The following SMAP1 variants were observed in gnomAD, a reference collection of about 807,000 sequenced individuals.
SMAP1 encodes the protein stromal membrane-associated protein 1.
SMAP1 carries 24 observed loss-of-function variants against 58.5 expected under a neutral mutation model. The observed-to-expected ratio is 0.41, with a 90% CI of 0.30 to 0.58. The LOEUF (loss-of-function observed/expected upper bound fraction) is 0.58. SMAP1 is among the 20% of genes least tolerant of loss of function. The probability of loss-of-function intolerance (pLI) is 0.29; values close to 1 mark genes in which losing one functional copy is unlikely to be tolerated. For synonymous variants in SMAP1, 216 were observed against 196.6 expected (o/e 1.10, Z -0.82); for missense variants, 563 against 566.3 (o/e 0.99, Z 0.06).
intron 6 of SMAP1, among the ~76,000 whole-genome samples, chr6:70,809,426 A>C (rs1769292719): frequency 6.6e-6 from 1 of 152,218 alleles, no homozygotes; most frequent in Admixed American, 6.6e-5. Flanking sequence ...TAATATAAGC[A>C]CAAGATAACA....
At chr6:70,791,226 C>A (rs1768337214) in intron 4 of SMAP1, among the ~76,000 whole-genome samples, 1 of 152,034 alleles carries the variant, frequency 6.6e-6, no homozygotes, top group Admixed American at 6.6e-5. Context: ...TTTTAATTAA[C>A]TTTTGCTATT....
intron 6 of SMAP1, among the ~76,000 whole-genome samples, chr6:70,824,906 C>T (rs993567752): frequency 3.9e-5 from 6 of 152,102 alleles, no homozygotes; most frequent in African/African-American, 1.4e-4. Context: ...TTTGGTCTTC[C>T]TTGTTTCTTA....
chr6:70,740,091 CTAT>C (rs1765754465), intron 2 of SMAP1, among the ~76,000 whole-genome samples: 1 of 152,076 alleles, frequency 6.6e-6, no homozygotes, highest in South Asian at 2.1e-4. Flanking sequence ...CATTGTAGAG[CTAT>C]TATTCTTACT....
chr6:70,674,707 T>G (rs1427081647), intron 1 of SMAP1, among the ~76,000 whole-genome samples: 1 of 152,110 alleles, frequency 6.6e-6, no homozygotes, highest in African/African-American at 2.4e-5. Flanking sequence ...GGTGCAGTGG[T>G]TCATGCCTGT....
intron 2 of SMAP1, among the ~76,000 whole-genome samples, chr6:70,745,948 G>A (rs1249395273): frequency 1.3e-5 from 2 of 152,160 alleles, no homozygotes; most frequent in African/African-American, 4.8e-5. Flanking sequence ...GTGAATGGGA[G>A]TTCACTCATG....
chr6:70,696,202 A>C (rs544457893), intron 1 of SMAP1, among the ~76,000 whole-genome samples: 193 of 152,198 alleles, frequency 1.3e-3, no homozygotes, highest in African/African-American at 4.4e-3. Flanking sequence ...TTTCAAAAAA[A>C]ACAGCATTTT....
At chr6:70,724,626 T>C (rs1255471222) in intron 1 of SMAP1, among the ~76,000 whole-genome samples, 1 of 152,252 alleles carries the variant, frequency 6.6e-6, no homozygotes, top group Non-Finnish European at 1.5e-5. Flanking sequence ...CAATAGTATG[T>C]GGAAACTTTC....
chr6:70,808,086 C>T (rs1409420092), intron 6 of SMAP1, among the ~76,000 whole-genome samples: 1 of 151,952 alleles, frequency 6.6e-6, no homozygotes, highest in Non-Finnish European at 1.5e-5. Flanking sequence ...AGGTTTTTAT[C>T]CTCATCGTCT....
intron 3 of SMAP1, among the ~76,000 whole-genome samples, 196 bp downstream of exon 3, chr6:70,755,261 A>G (rs1766438897): frequency 6.6e-6 from 1 of 152,034 alleles, no homozygotes; most frequent in South Asian, 2.1e-4. Flanking sequence ...AGATTACATA[A>G]TTACATAAAA....
At chr6:70,678,403 A>AT in intron 1 of SMAP1, among the ~76,000 whole-genome samples, 1 of 152,320 alleles carries the variant, frequency 6.6e-6, no homozygotes, top group East Asian at 1.9e-4. Context: ...ATTCATAAAA[A>AT]TTATGTTTAG....
chr6:70,801,582 C>T (rs1768855503), intron 6 of SMAP1, among the ~76,000 whole-genome samples: 1 of 152,092 alleles, frequency 6.6e-6, no homozygotes, highest in African/African-American at 2.4e-5. Flanking sequence ...ATCATGAAGT[C>T]CTTGCCCATG....
chr6:70,820,810 A>G (rs1769855156), intron 6 of SMAP1, among the ~76,000 whole-genome samples: 1 of 151,788 alleles, frequency 6.6e-6, no homozygotes, highest in South Asian at 2.1e-4. Context: ...ATTTTTTCCC[A>G]TTTAATTTTG....
At chr6:70,742,401 CA>C (rs1765852815) in intron 2 of SMAP1, among the ~76,000 whole-genome samples, 1 of 152,220 alleles carries the variant, frequency 6.6e-6, no homozygotes, top group Non-Finnish European at 1.5e-5. Flanking sequence ...GGGCAAAATG[CA>C]GCCAGTCTCT....
intron 1 of SMAP1, among the ~76,000 whole-genome samples, chr6:70,727,144 G>C (rs753631538): frequency 4.0e-5 from 6 of 151,876 alleles, no homozygotes; most frequent in Admixed American, 2.6e-4. Flanking sequence ...GTCTCCCTCT[G>C]TCACCCAGGC....
At chr6:70,824,719 TC>T (rs1333103041) in intron 6 of SMAP1, among the ~76,000 whole-genome samples, 3 of 152,164 alleles carry the variant, frequency 2.0e-5, no homozygotes, top group Non-Finnish European at 4.4e-5. Flanking sequence ...AGAAACTAAC[TC>T]TACTGTTTTT....
intron 4 of SMAP1, among the ~76,000 whole-genome samples, chr6:70,783,481 G>T (rs1395816730): frequency 2.0e-5 from 3 of 152,176 alleles, no homozygotes; most frequent in African/African-American, 4.8e-5. Flanking sequence ...AGAGAAGAAG[G>T]CTTCAGACGA....
At chr6:70,793,644 T>TAGAGAGAGAGAGAGAGAG (rs70990334) in intron 5 of SMAP1, among the ~76,000 whole-genome samples, 18 of 140,428 alleles carry the variant, frequency 1.3e-4, no homozygotes, top group African/African-American at 4.5e-4. Flanking sequence ...GGAGAGTAGT[T>TAGAGAGAGAGAGAGAGAG]AGAGAGAGAG....
intron 1 of SMAP1, among the ~76,000 whole-genome samples, chr6:70,672,414 A>G (rs1766306502): frequency 6.6e-6 from 1 of 152,122 alleles, no homozygotes; most frequent in Non-Finnish European, 1.5e-5. Context: ...TCCTGCTTAA[A>G]TGTCTTTTCA....
chr6:70,861,557 C>T lies in SMAP1; in HGVS notation c.*1223C>T. The T allele has an allele frequency of 1.0e-6, 1 of 1,001,078 alleles. No homozygotes were observed. Among genetic ancestry groups the T allele is most frequent in the Non-Finnish European group, 1.5e-6 (1 of 661,090 alleles). 62.0% of individuals were successfully genotyped at this position (1,001,078 alleles called of 1,614,324 possible). ...TCAGATGACAAGAAAGGCTGCTGTA[C>T]TGAAGTAAAACAAACAATACCTGAA... On this transcript the variant is annotated 3_prime_UTR_variant, in exon 11 of 11. Coordinates refer to ENST00000370455, the MANE Select transcript of SMAP1 (RefSeq NM_001044305.3).
Sources: allele counts gnomAD v4.1 joint callset (sites outside exome capture counted in the v4.1 genomes callset), GRCh38; gene constraint gnomAD v4.1.1; transcripts MANE v1.5; gene names NCBI Gene and HGNC (gene_info 2026-07-23, HGNC 2026-07-21).